APPL2: variants seen among roughly 807,000 people sequenced by gnomAD.
APPL2 encodes adaptor protein, phosphotyrosine interacting with PH domain and leucine zipper 2, also known as DCC-interacting protein 13-beta.
Under a neutral mutation model 92.7 loss-of-function variants are expected in APPL2, and 84 were observed. The observed-to-expected ratio is 0.91, with a 90% CI of 0.76 to 1.09. The LOEUF (loss-of-function observed/expected upper bound fraction) is 1.09. Among genes scored for constraint, APPL2 ranks in the 50% least tolerant of loss-of-function variants. APPL2 has a pLI of 0.00. For missense variants in APPL2, 736 were observed against 824.5 expected (o/e 0.89, Z 1.31); for synonymous variants, 291 against 291.0 (o/e 1.00, Z 0.00).
rs1377731012 is a variant in APPL2 at position 105,198,918 on chromosome 12, T to TA, written c.863+454dup. Among the ~76,000 whole-genome samples the TA allele has an allele frequency of 5.9e-5, 9 of 152,288 alleles. No individual in the cohort carries two copies. The South Asian group carries it at 6.2e-4, about 11-fold the overall frequency. The stretch of plus-strand genomic sequence containing the variant: ...ATCCCTTCCATTCAAAACGGACACT[T>TA]AAAGACCTGAGTGGTAAATGTGTGA... On this transcript the variant is annotated intron_variant, in intron 10 of 20. Coordinates refer to ENST00000258530, the MANE Select transcript of APPL2 (RefSeq NM_018171.5).
chr12:105,228,459 G>T (rs1890685811), intron 2 of APPL2, among the ~76,000 whole-genome samples: 1 of 152,190 alleles, frequency 6.6e-6, no homozygotes, highest in African/African-American at 2.4e-5. Context: ...ATTTAAGTCA[G>T]CAAGGAATCA....
At chr12:105,208,349 G>T in intron 5 of APPL2, 150 bp from the exon 6 acceptor site, 1 of 908,274 alleles carries the variant, frequency 1.1e-6, no homozygotes. Flanking sequence ...TGGCCCAGAG[G>T]CTGGGACCTG....
intron 1 of APPL2, among the ~76,000 whole-genome samples, chr12:105,230,161 C>A (rs376689376): frequency 6.6e-6 from 1 of 152,152 alleles, no homozygotes; most frequent in South Asian, 2.1e-4. Flanking sequence ...CCACCAGCAG[C>A]AGCTCTGGAC....
At chr12:105,199,072 C>T (rs1205063591) in intron 10 of APPL2, among the ~76,000 whole-genome samples, 1 of 152,192 alleles carries the variant, frequency 6.6e-6, no homozygotes, top group Non-Finnish European at 1.5e-5. Context: ...GGGATAAAAA[C>T]TGTCAGTGGT....
intron 1 of APPL2, chr12:105,233,061 T>G (rs1162801200): frequency 1.0e-6 from 1 of 981,612 alleles, no homozygotes; most frequent in Non-Finnish European, 1.2e-6. Context: ...TGCTGTTGTC[T>G]TCACCTTACC....
rs1306584144 is a variant in APPL2, at chr12:105,235,838, CGAGGGGGCCGG to C, written c.54+110_54+120del. On this transcript the variant is annotated intron_variant, in intron 1 of 20. Coordinates refer to ENST00000258530, the MANE Select transcript of APPL2 (RefSeq NM_018171.5). Reference sequence around the variant, plus strand: ...CGAGAGAACCCGGTGGGAGGCGCCGCGAGGGGGCCGGGCGCACTCCCGCGGCTGCCCGGCCG... The same window carrying C: ...CGAGAGAACCCGGTGGGAGGCGCCGCGCGCACTCCCGCGGCTGCCCGGCCG... The C allele has an allele frequency of 5.3e-6, 4 of 754,300 alleles. No homozygotes were observed. In the African/African-American group the frequency reaches 7.4e-5, roughly 14 times the overall value. The allele number at this position is 754,300 out of a possible 1,614,324, so 46.7% of individuals were successfully genotyped here. A position where few individuals can be genotyped will look rare whatever the true frequency, so the allele number is the denominator to read the frequency against.
At chr12:105,214,902 T>C (rs1409376569) in intron 4 of APPL2, among the ~76,000 whole-genome samples, 1 of 152,148 alleles carries the variant, frequency 6.6e-6, no homozygotes, top group African/African-American at 2.4e-5. Context: ...CCAATAAAAA[T>C]ACCTGAACTG....
chr12:105,223,144 C>T (rs1314911165), intron 2 of APPL2, among the ~76,000 whole-genome samples: 2 of 151,970 alleles, frequency 1.3e-5, no homozygotes, highest in Non-Finnish European at 2.9e-5. Context: ...GAGGAGGTGA[C>T]GGGAAGGTTT....
chr12:105,204,156 C>T (rs1592797981), intron 8 of APPL2, among the ~76,000 whole-genome samples: 2 of 152,202 alleles, frequency 1.3e-5, no homozygotes, highest in South Asian at 2.1e-4. Context: ...CTCCAGTTTG[C>T]ATTCTTCTAC....
intron 7 of APPL2, 29 bp downstream of exon 7, chr12:105,207,942 G>A: frequency 6.3e-7 from 1 of 1,594,210 alleles, no homozygotes; most frequent in Non-Finnish European, 8.6e-7. Flanking sequence ...TGTAAATGAA[G>A]TGAAAAACAA....
intron 1 of APPL2, 52 bp downstream of exon 1, chr12:105,235,907 C>A: frequency 8.2e-7 from 1 of 1,221,298 alleles, no homozygotes; most frequent in Non-Finnish European, 1.0e-6. Flanking sequence ...GCTGGAGGGG[C>A]CTCCTCGGCC....
At chr12:105,207,336 A>T in intron 7 of APPL2, 129 bp from the exon 8 acceptor site, 1 of 950,846 alleles carries the variant, frequency 1.1e-6, no homozygotes. Flanking sequence ...AAACACAGAT[A>T]AGGCTGCACT....
chr12:105,217,769 TAC>T, intron 2 of APPL2, 44 bp from the exon 3 acceptor site: 1 of 1,581,590 alleles, frequency 6.3e-7, no homozygotes, highest in East Asian at 2.2e-5. Context: ...GTCCAATGTA[TAC>T]ATAGTCACTG....
intron 20 of APPL2, 60 bp from the exon 21 acceptor site, chr12:105,174,508 T>A: frequency 6.5e-7 from 1 of 1,549,076 alleles, no homozygotes; most frequent in Non-Finnish European, 8.7e-7. Context: ...TTTAAACCCC[T>A]TTGGCCTGGC....
intron 2 of APPL2, among the ~76,000 whole-genome samples, chr12:105,224,863 T>C (rs993992976): frequency 6.8e-6 from 1 of 146,248 alleles, no homozygotes; most frequent in Non-Finnish European, 1.5e-5. Flanking sequence ...ATATCATCAT[T>C]CTAAAGAAAA....
At chr12:105,216,122 A>G (rs747441018) in intron 4 of APPL2, among the ~76,000 whole-genome samples, 8 of 152,218 alleles carry the variant, frequency 5.3e-5, no homozygotes, top group African/African-American at 1.7e-4. Flanking sequence ...GTTTTTTACA[A>G]TTAGAATTTA....
At chr12:105,208,252 A>C in intron 5 of APPL2, 53 bp from the exon 6 acceptor site, 1 of 1,597,358 alleles carries the variant, frequency 6.3e-7, no homozygotes. Flanking sequence ...AAACATGCCA[A>C]CCCAGAGCTC....
intron 14 of APPL2, 56 bp downstream of exon 14, chr12:105,195,205 T>G (rs1887532767): frequency 6.5e-7 from 1 of 1,535,602 alleles, no homozygotes; most frequent in Non-Finnish European, 9.0e-7. Flanking sequence ...TCATTTCGTA[T>G]TCCTAATCAA....
At chr12:105,177,104 A>T in intron 18 of APPL2, 88 bp from the exon 19 acceptor site, 1 of 1,602,840 alleles carries the variant, frequency 6.2e-7, no homozygotes, top group Non-Finnish European at 8.5e-7. Flanking sequence ...CATGAGAAAA[A>T]GTATCCTATT....
Sources: allele counts gnomAD v4.1 joint callset (sites outside exome capture counted in the v4.1 genomes callset), GRCh38; gene constraint gnomAD v4.1.1; transcripts MANE v1.5; gene names NCBI Gene and HGNC (gene_info 2026-07-23, HGNC 2026-07-21).